CPM: variants seen among roughly 807,000 people sequenced by gnomAD.
CPM encodes the protein carboxypeptidase M, also known as renal carboxypeptidase.
Under a neutral mutation model 46.4 loss-of-function variants are expected in CPM, and 35 were observed. The ratio of observed to expected loss-of-function variants is 0.75; its 90% CI spans 0.58 to 1.00. The LOEUF is 1.00. CPM is among the 50% of genes least tolerant of loss of function. The pLI, the probability that CPM is intolerant of heterozygous loss-of-function variation, is 0.00. For synonymous variants in CPM, 195 were observed against 195.3 expected (o/e 1.00, Z 0.01); for missense variants, 422 against 530.4 (o/e 0.80, Z 2.01).
chr12:68,957,275 C>G (rs1889036021), intron 1 of CPM: 1 of 153,408 alleles, frequency 6.5e-6, no homozygotes, highest in Non-Finnish European at 1.5e-5. Flanking sequence ...AACCTGTATT[C>G]CAGAAATGGT....
At chr12:68,948,461 T>G (rs931872321) in intron 1 of CPM, among the ~76,000 whole-genome samples, 1 of 151,912 alleles carries the variant, frequency 6.6e-6, no homozygotes, top group African/African-American at 2.4e-5. Context: ...TCAGATTATG[T>G]GTTGTTTAGT....
Position 68,888,844 on chromosome 12 carries a change from T to C in CPM, c.161-2955A>G, listed in dbSNP as rs189129779. ...TGTGACATGGGTGCATAACTAGGTT[T>C]GGTTGGAGGATCAGGAAAAGTTTTA... On this transcript the variant is annotated intron_variant, in intron 2 of 8. Transcript: ENST00000551568. Among the ~76,000 whole-genome samples, 278 of 152,340 alleles carry C rather than the reference T, an allele frequency of 1.8e-3. 2 individuals are homozygous for C. The highest frequency in any genetic ancestry group is 6.4e-3 in the African/African-American group (266 of 41,572).
At chr12:68,952,367 A>G (rs1888949692) in intron 1 of CPM, among the ~76,000 whole-genome samples, 1 of 152,190 alleles carries the variant, frequency 6.6e-6, no homozygotes, top group Non-Finnish European at 1.5e-5. Context: ...CCAGAGAAAG[A>G]GAAGTTTAAA....
rs1311000115 is a variant in CPM, at chr12:68,871,772, G to A, written c.431+12C>T. 6.2e-7 allele frequency: 1 copy of A among 1,613,932 alleles called. No homozygotes were observed. The highest frequency in any genetic ancestry group is 1.1e-5 in the South Asian group (1 of 91,056). ...GTTGTTTTCAAGTAAAGATAGACCA[G>A]CCCCTCTTTACCTTCCGATGCTGTA... On this transcript the variant is annotated intron_variant, in intron 4 of 8. Transcript: ENST00000551568.
At chr12:68,929,944 T>C (rs901035805) in intron 2 of CPM, among the ~76,000 whole-genome samples, 1 of 152,214 alleles carries the variant, frequency 6.6e-6, no homozygotes, top group Non-Finnish European at 1.5e-5. Flanking sequence ...GCATAGCACA[T>C]ATATTTAAGT....
chr12:68,869,566 G>A, intron 5 of CPM, 71 bp from the exon 6 acceptor site: 1 of 1,383,324 alleles, frequency 7.2e-7, no homozygotes, highest in African/African-American at 1.4e-5. Context: ...CACCATATTA[G>A]CAAAGACATA....
chr12:68,913,689 T>C (rs1280022288), intron 2 of CPM: 1 of 343,630 alleles, frequency 2.9e-6, no homozygotes, highest in Non-Finnish European at 5.6e-6. Flanking sequence ...ACATCCTCGG[T>C]TTATTCTTGC....
rs1430800787 is a variant in CPM, at chr12:68,920,694, TTTTTC to T, written c.160+11979_160+11983del. On this transcript the variant is annotated intron_variant, in intron 2 of 8. Transcript: ENST00000551568. ...AGCTTTTTTTTTCTTTTTCTTTTTC[TTTTTC>T]TTTTTTTTTTTTAGACAGAGACTCA... is the stretch of plus-strand genomic sequence containing the variant. Among the ~76,000 whole-genome samples the T allele has an allele frequency of 1.7e-3, 209 of 124,542 alleles. 1 individual carries two copies. The highest frequency in any genetic ancestry group is 8.3e-3 in the African/African-American group (203 of 24,486). The allele number at this position is 124,542 out of a possible 152,430, so 81.7% of individuals were successfully genotyped here.
At chr12:68,945,007 TGAAAAAC>T (rs1888823367) in intron 1 of CPM, among the ~76,000 whole-genome samples, 1 of 152,078 alleles carries the variant, frequency 6.6e-6, no homozygotes, top group Non-Finnish European at 1.5e-5. Flanking sequence ...TACAAAAATC[TGAAAAAC>T]ATCTCAAGAG....
At chr12:68,845,402 C>T (rs1031455675) in intron 5 of CPM, 8 of 208,372 alleles carry the variant, frequency 3.8e-5, no homozygotes, top group Admixed American at 2.4e-4. Flanking sequence ...AGCTAACAAA[C>T]GAAAGGCAAA....
intron 7 of CPM, among the ~76,000 whole-genome samples, chr12:68,865,634 T>TCA (rs1454468983): frequency 9.9e-6 from 1 of 101,520 alleles, no homozygotes; most frequent in Non-Finnish European, 2.1e-5. Flanking sequence ...ACACACACAC[T>TCA]CACACTCTCT....
At chr12:68,878,829 T>C (rs1886067907) in intron 3 of CPM, among the ~76,000 whole-genome samples, 1 of 152,174 alleles carries the variant, frequency 6.6e-6, no homozygotes, top group Admixed American at 6.6e-5. Flanking sequence ...GTAAAAATAC[T>C]TCATTGCTCT....
At chr12:68,860,994 C>T (rs1372291640) in intron 7 of CPM, among the ~76,000 whole-genome samples, 2 of 151,990 alleles carry the variant, frequency 1.3e-5, no homozygotes, top group Admixed American at 6.6e-5. Context: ...AGTCCTCCCA[C>T]CTCAGCCTCC....
chr12:68,875,567 A>G (rs868333648), intron 3 of CPM, among the ~76,000 whole-genome samples: 1 of 152,276 alleles, frequency 6.6e-6, no homozygotes, highest in African/African-American at 2.4e-5. Context: ...GCACTTTGGA[A>G]GGCTGAGGCA....
At chr12:68,843,713 C>CTCTG (rs1003322227) in intron 5 of CPM, 1 of 222,044 alleles carries the variant, frequency 4.5e-6, no homozygotes, top group African/African-American at 2.2e-5. Context: ...CTCTCTCTCT[C>CTCTG]TCTGTCTGTC....
chr12:68,912,406 A>C (rs897738998), intron 2 of CPM, among the ~76,000 whole-genome samples: 2 of 152,162 alleles, frequency 1.3e-5, no homozygotes, highest in African/African-American at 4.8e-5. Context: ...ACCTGATACC[A>C]CCATCTTTTT....
At chr12:68,846,960 A>G (rs1884336106), downstream of CPM, 2 of 151,568 alleles carry the variant, frequency 1.3e-5, no homozygotes, top group African/African-American at 2.4e-5. Context: ...GTAGCCTTGA[A>G]TTAACCCCTA....
chr12:68,910,049 A>T (rs908193308), intron 2 of CPM, among the ~76,000 whole-genome samples: 1 of 152,182 alleles, frequency 6.6e-6, no homozygotes, highest in Non-Finnish European at 1.5e-5. Context: ...AGCATCATCA[A>T]TGAAAGAAAG....
chr12:68,886,658 T>C (rs928107980), intron 2 of CPM, among the ~76,000 whole-genome samples: 22 of 151,882 alleles, frequency 1.4e-4, no homozygotes, highest in African/African-American at 5.3e-4. Context: ...ATAAATAAAA[T>C]TTAAAAAGAG....
Sources: allele counts gnomAD v4.1 joint callset (sites outside exome capture counted in the v4.1 genomes callset), GRCh38; gene constraint gnomAD v4.1.1; transcripts MANE v1.5; gene names NCBI Gene and HGNC (gene_info 2026-07-23, HGNC 2026-07-21).